Variants in PTPRG observed in about 807,000 individuals in gnomAD.
PTPRG encodes the protein protein tyrosine phosphatase receptor type G.
A neutral mutation model predicts 165.3 loss-of-function variants in PTPRG; 102 were observed. That is an observed-to-expected ratio of 0.62 (90% CI 0.53 to 0.73). The LOEUF (loss-of-function observed/expected upper bound fraction) is 0.73, where lower values mean the gene tolerates loss of function less well. PTPRG is among the 30% of genes least tolerant of loss of function. PTPRG has a pLI of 0.00. For synonymous variants in PTPRG, 675 were observed against 669.5 expected, an observed-to-expected ratio of 1.01 and a Z score of -0.13; for missense variants, 1,866 against 1,861.4, an observed-to-expected ratio of 1.00 and a Z score of -0.05.
rs1703028753 is a variant in PTPRG, at chr3:62,295,397, T to C, written c.*2090T>C. On this transcript the variant is annotated 3_prime_UTR_variant, in exon 30 of 30. Transcript: ENST00000474889. Reference sequence around the variant, plus strand: ...CTTTTTAGTAGATGGCAAAGTGGGCTTGATGTTCAAAAGTAATGTTCGAGT... The same window carrying C: ...CTTTTTAGTAGATGGCAAAGTGGGCCTGATGTTCAAAAGTAATGTTCGAGT... 1 of 152,112 alleles carries C rather than the reference T, an allele frequency of 6.6e-6. No individual in the cohort carries two copies. 9.4% of individuals were successfully genotyped at this position (152,112 alleles called of 1,614,324 possible). A position where few individuals can be genotyped will look rare whatever the true frequency, so the allele number is the denominator to read the frequency against.
chr3:61,789,933 G>C (rs1226982890), intron 2 of PTPRG, among the ~76,000 whole-genome samples: 1 of 152,202 alleles, frequency 6.6e-6, no homozygotes, highest in Non-Finnish European at 1.5e-5. Context: ...GGCATATCCT[G>C]TCCTGGTTGA....
chr3:62,134,481 G>T (rs1400346742), intron 6 of PTPRG, among the ~76,000 whole-genome samples: 1 of 152,132 alleles, frequency 6.6e-6, no homozygotes, highest in Non-Finnish European at 1.5e-5. Context: ...TGTTTCCTCT[G>T]TCGGGAGAGT....
At position 61,818,644 on chromosome 3, in the gene PTPRG, A is replaced by G. The variant is rs567386616; in HGVS notation, c.190+69662A>G. Among the ~76,000 whole-genome samples, 63 of 152,242 alleles carry G rather than the reference A, an allele frequency of 4.1e-4. 1 individual carries two copies. In the South Asian group the frequency reaches 0.012, roughly 30 times the overall value. On this transcript the variant is annotated intron_variant, in intron 2 of 29. Coordinates refer to ENST00000474889, the MANE Select transcript of PTPRG (RefSeq NM_002841.4). ...GTGGCACTGTACTCCAGCCTAGACA[A>G]TAGAGCAAGAAGACCCTGTCTCCAA...
chr3:62,022,213 A>AC (rs1396117185), intron 4 of PTPRG, among the ~76,000 whole-genome samples: 2 of 152,148 alleles, frequency 1.3e-5, no homozygotes, highest in African/African-American at 4.8e-5. Flanking sequence ...TATGTATGTT[A>AC]TAGGTGACCT....
intron 2 of PTPRG, among the ~76,000 whole-genome samples, chr3:61,938,134 T>G (rs1192470210): frequency 6.6e-6 from 1 of 152,054 alleles, no homozygotes; most frequent in Non-Finnish European, 1.5e-5. Context: ...TGCATTTAAA[T>G]TTCTTTCTCT....
At chr3:61,570,913 A>C (rs1004318449) in intron 1 of PTPRG, among the ~76,000 whole-genome samples, 2 of 152,188 alleles carry the variant, frequency 1.3e-5, no homozygotes, top group Non-Finnish European at 2.9e-5. Context: ...GTGGTTACCC[A>C]ACATCTTACG....
At position 61,734,237 on chromosome 3, in the gene PTPRG, G is replaced by A. The variant is rs1409914024; in HGVS notation, c.86-14641G>A. Among the ~76,000 whole-genome samples the A allele has an allele frequency of 3.3e-5, 5 of 152,226 alleles. No homozygotes were observed. In the East Asian group the frequency reaches 7.7e-4, roughly 23 times the overall value. On this transcript the variant is annotated intron_variant, in intron 1 of 29. Coordinates refer to ENST00000474889, the MANE Select transcript of PTPRG (RefSeq NM_002841.4). ...TTCTTGAATAAACCTCAGATATCAT[G>A]TATGATTTCTGAAATACCTAAAATC...
chr3:62,027,428 C>T (rs1176817364), intron 4 of PTPRG, among the ~76,000 whole-genome samples: 1 of 152,122 alleles, frequency 6.6e-6, no homozygotes, highest in African/African-American at 2.4e-5. Flanking sequence ...CCCACCATCC[C>T]CTGAAAAATG....
intron 12 of PTPRG, among the ~76,000 whole-genome samples, chr3:62,208,580 C>T (rs1410872846): frequency 2.0e-5 from 3 of 152,032 alleles, no homozygotes; most frequent in Non-Finnish European, 4.4e-5. Flanking sequence ...TACCACAGCC[C>T]GCAGGCCACT....
chr3:61,650,093 A>G (rs1012599005), intron 1 of PTPRG, among the ~76,000 whole-genome samples: 8 of 152,116 alleles, frequency 5.3e-5, no homozygotes, highest in African/African-American at 1.9e-4. Context: ...GAAAAATAAA[A>G]CCCATAAGCA....
chr3:62,189,421 C>A (rs1377340462), intron 8 of PTPRG, among the ~76,000 whole-genome samples: 1 of 152,138 alleles, frequency 6.6e-6, no homozygotes, highest in Non-Finnish European at 1.5e-5. Flanking sequence ...AGTCTGGTTC[C>A]TGGTGGGCTG....
At chr3:61,699,431 T>G (rs949717292) in intron 1 of PTPRG, among the ~76,000 whole-genome samples, 1 of 152,182 alleles carries the variant, frequency 6.6e-6, no homozygotes, top group Admixed American at 6.5e-5. Context: ...GAAAGTATCT[T>G]GGGGACCCAC....
chr3:61,893,565 A>G (rs2038273143), intron 2 of PTPRG, among the ~76,000 whole-genome samples: 1 of 152,210 alleles, frequency 6.6e-6, no homozygotes, highest in African/African-American at 2.4e-5. Context: ...TGGCTCATAC[A>G]AAAATCCACT....
At chr3:61,656,198 T>TCCC (rs1183459078) in intron 1 of PTPRG, among the ~76,000 whole-genome samples, 1 of 152,150 alleles carries the variant, frequency 6.6e-6, no homozygotes, top group East Asian at 1.9e-4. Context: ...TACCACTGTA[T>TCCC]TCCAGACTGG....
intron 1 of PTPRG, among the ~76,000 whole-genome samples, chr3:61,609,543 A>G (rs753362261): frequency 1.3e-5 from 2 of 152,212 alleles, no homozygotes; most frequent in South Asian, 2.1e-4. Flanking sequence ...ATCATTCCAG[A>G]TGTTTCTTTC....
At chr3:61,567,894 A>G (rs190003506) in intron 1 of PTPRG, among the ~76,000 whole-genome samples, 2 of 145,708 alleles carry the variant, frequency 1.4e-5, no homozygotes, top group East Asian at 2.1e-4. Flanking sequence ...GGAGGACAGG[A>G]CTTTGGGGCT....
intron 1 of PTPRG, among the ~76,000 whole-genome samples, chr3:61,660,129 G>A (rs1371883159): frequency 1.3e-5 from 2 of 152,174 alleles, no homozygotes; most frequent in Non-Finnish European, 2.9e-5. Flanking sequence ...GGAGGCTGAG[G>A]CAGGAGAATC....
At chr3:61,878,216 T>A (rs2037795939) in intron 2 of PTPRG, among the ~76,000 whole-genome samples, 1 of 152,218 alleles carries the variant, frequency 6.6e-6, no homozygotes, top group African/African-American at 2.4e-5. Flanking sequence ...GAAATTAATT[T>A]CCGAAGTCTT....
At chr3:62,092,145 T>C in intron 5 of PTPRG, among the ~76,000 whole-genome samples, 1 of 146,660 alleles carries the variant, frequency 6.8e-6, no homozygotes, top group African/African-American at 2.6e-5. Context: ...GTAAACTCCT[T>C]AAGACAAGGA....
Sources: allele counts gnomAD v4.1 joint callset (sites outside exome capture counted in the v4.1 genomes callset), GRCh38; gene constraint gnomAD v4.1.1; transcripts MANE v1.5; gene names NCBI Gene and HGNC (gene_info 2026-07-23, HGNC 2026-07-21).